The following SDC4 variants were observed in gnomAD, a reference collection of about 807,000 sequenced individuals.
SDC4 encodes syndecan 4, also known as syndecan-4.
A neutral mutation model predicts 20.5 loss-of-function variants in SDC4; 17 were observed. The ratio of observed to expected loss-of-function variants is 0.83; its 90% CI spans 0.57 to 1.25. SDC4 has a LOEUF of 1.25. SDC4 is among the 50% of genes most tolerant of loss of function. SDC4 has a pLI of 0.00. For synonymous variants in SDC4, 107 were observed against 105.3 expected (o/e 1.02, Z -0.10); for missense variants, 241 against 252.3 (o/e 0.96, Z 0.30).
At chr20:45,345,915 T>C (rs889561864) in intron 1 of SDC4, 5 of 152,112 alleles carry the variant, frequency 3.3e-5, no homozygotes, top group African/African-American at 1.2e-4. Flanking sequence ...GTAAGGGGAA[T>C]GATGGAACAG....
intron 1 of SDC4, among the ~76,000 whole-genome samples, chr20:45,348,096 G>A (rs545394535): frequency 9.2e-5 from 14 of 152,364 alleles, no homozygotes; most frequent in African/African-American, 3.1e-4. Context: ...CTGAGGCCCG[G>A]GGAGGCGGGA....
At position 45,335,370 on chromosome 20, in the gene SDC4, A is replaced by C. The variant is rs144418337; in HGVS notation, c.199+412T>G. On this transcript the variant is annotated intron_variant, in intron 2 of 4. Coordinates refer to ENST00000372733, the MANE Select transcript of SDC4 (RefSeq NM_002999.4). ...TAATTTTTGTGTTTTTGTAGAGACA[A>C]GTTCTCACCATGTGGCCCAGGCTGG... Among the ~76,000 whole-genome samples the C allele has an allele frequency of 4.1e-3, 622 of 152,058 alleles. 19 individuals carry two copies. Among genetic ancestry groups the C allele is most frequent in the Admixed American group, 0.029 (450 of 15,284 alleles).
Position 45,341,460 on chromosome 20 carries a change from G to A in SDC4, c.61-5540C>T, listed in dbSNP as rs569698485. Among the ~76,000 whole-genome samples, 5 of 152,280 alleles carry A rather than the reference G, an allele frequency of 3.3e-5. No individual in the cohort carries two copies. The East Asian group carries it at 9.6e-4, about 29-fold the overall frequency. ...TGACCACCTGTCCTAAGCAGACAGA[G>A]GTAAAGACCATTTTTATTTTCCCCG... On this transcript the variant is annotated intron_variant, in intron 1 of 4. Coordinates refer to ENST00000372733, the MANE Select transcript of SDC4 (RefSeq NM_002999.4).
chr20:45,334,631 G>A (rs1234505179), intron 2 of SDC4, among the ~76,000 whole-genome samples: 1 of 151,882 alleles, frequency 6.6e-6, no homozygotes, highest in African/African-American at 2.4e-5. Context: ...TGGGATTACA[G>A]GCACTCGACA....
intron 4 of SDC4, among the ~76,000 whole-genome samples, chr20:45,328,937 GGGTCTGCGCT>G (rs1325612055): frequency 6.6e-6 from 1 of 152,198 alleles, no homozygotes; most frequent in Non-Finnish European, 1.5e-5. Flanking sequence ...ACGAGGCCCT[GGGTCTGCGCT>G]GGGATGCCCC....
chr20:45,339,541 G>A (rs1187111746), intron 1 of SDC4, among the ~76,000 whole-genome samples: 1 of 152,242 alleles, frequency 6.6e-6, no homozygotes, highest in Non-Finnish European at 1.5e-5. Flanking sequence ...TTGAGCCCAA[G>A]AGTTTGAGAT....
At chr20:45,341,642 T>C (rs1987954153) in intron 1 of SDC4, among the ~76,000 whole-genome samples, 1 of 151,868 alleles carries the variant, frequency 6.6e-6, no homozygotes, top group Non-Finnish European at 1.5e-5. Flanking sequence ...AAACCAGGTC[T>C]GGGGGTGGGG....
chr20:45,328,445 G>A (rs1987727933), intron 4 of SDC4, among the ~76,000 whole-genome samples: 2 of 152,170 alleles, frequency 1.3e-5, no homozygotes, highest in South Asian at 4.1e-4. Context: ...TAACTGTAAG[G>A]GTTTAAGGTT....
intron 1 of SDC4, among the ~76,000 whole-genome samples, chr20:45,343,278 G>A (rs1987981126): frequency 6.6e-6 from 1 of 152,164 alleles, no homozygotes; most frequent in Non-Finnish European, 1.5e-5. Flanking sequence ...ACCATGCAGT[G>A]AAAACATACG....
intron 4 of SDC4, among the ~76,000 whole-genome samples, chr20:45,329,007 T>A: frequency 6.6e-6 from 1 of 152,170 alleles, no homozygotes; most frequent in African/African-American, 2.4e-5. Flanking sequence ...TGGTCCTCAG[T>A]CCAAATGCCA....
intron 1 of SDC4, among the ~76,000 whole-genome samples, chr20:45,339,321 G>A (rs189961398): frequency 6.6e-6 from 1 of 152,336 alleles, no homozygotes; most frequent in Non-Finnish European, 1.5e-5. Flanking sequence ...CTAAGAATGT[G>A]GTCTGTTCTC....
intron 1 of SDC4, among the ~76,000 whole-genome samples, chr20:45,346,580 G>C (rs1988035418): frequency 6.6e-6 from 1 of 152,128 alleles, no homozygotes; most frequent in South Asian, 2.1e-4. Flanking sequence ...CAACCTCCTG[G>C]GTCCTTTCCT....
At chr20:45,336,402 G>A (rs1600731385) in intron 1 of SDC4, among the ~76,000 whole-genome samples, 2 of 152,120 alleles carry the variant, frequency 1.3e-5, no homozygotes, top group East Asian at 3.9e-4. Context: ...TACAGAGTGG[G>A]ACCCCCGTCT....
At chr20:45,345,553 T>G (rs1181713236) in intron 1 of SDC4, 1 of 152,212 alleles carries the variant, frequency 6.6e-6, no homozygotes, top group South Asian at 2.1e-4. Context: ...GCCCCTAGGC[T>G]TCCGCCCCCA....
Position 45,335,779 on chromosome 20 carries a change from T to A in SDC4, c.199+3A>T. 1.2e-6 allele frequency: 2 copies of A among 1,613,536 alleles called. No homozygotes were observed. The highest frequency in any genetic ancestry group is 1.7e-6 in the Non-Finnish European group (2 of 1,179,808). ...CTACGCCTGCCCAGCACACCTTCCGTACCCAGATCTCCAGAGCCAGACAGC... is the reference window on the plus strand; with the variant it reads ...CTACGCCTGCCCAGCACACCTTCCGAACCCAGATCTCCAGAGCCAGACAGC... On this transcript the variant is annotated splice_donor_region_variant and intron_variant, in intron 2 of 4. Coordinates refer to ENST00000372733, the MANE Select transcript of SDC4 (RefSeq NM_002999.4).
chr20:45,332,635 C>T (rs1017869611), intron 3 of SDC4, among the ~76,000 whole-genome samples: 16 of 152,278 alleles, frequency 1.1e-4, no homozygotes, highest in African/African-American at 3.9e-4. Flanking sequence ...GGCTCTGTCA[C>T]CCAGGCTGGA....
In SDC4 at chr20:45,336,268, C is replaced by T. The variant is rs576229637; in HGVS notation, c.61-348G>A. Among the ~76,000 whole-genome samples, 125 of 152,270 alleles carry T rather than the reference C, an allele frequency of 8.2e-4. 1 individual carries two copies. Among genetic ancestry groups the T allele is most frequent in the African/African-American group, 2.8e-3 (116 of 41,552 alleles). ...TCTCTACTAAAAATACAAAAATCAG[C>T]TGGGCGTGGTGGCTTACGCCTGTAG... On this transcript the variant is annotated intron_variant, in intron 1 of 4. Coordinates refer to ENST00000372733, the MANE Select transcript of SDC4 (RefSeq NM_002999.4).
Position 45,348,239 on chromosome 20 carries a change from C to CA in SDC4, c.60+85_60+86insT, listed in dbSNP as rs936792195. On this transcript the variant is annotated intron_variant, in intron 1 of 4. Transcript: ENST00000372733. ...GGGGTAGCGTACCCCCGATCTGCCC[C>CA]CCCCCATCCCACGCTCCGACGAACA... 9.4e-6 allele frequency: 11 copies of CA among 1,167,350 alleles called. 1 individual carries two copies. Among genetic ancestry groups the CA allele is most frequent in the Non-Finnish European group, 1.4e-5 (11 of 804,864 alleles). The allele number at this position is 1,167,350 out of a possible 1,614,324, so 72.3% of individuals were successfully genotyped here.
chr20:45,327,584 G>C (rs898742786), intron 4 of SDC4, among the ~76,000 whole-genome samples, 169 bp from the exon 5 acceptor site: 1 of 152,250 alleles, frequency 6.6e-6, no homozygotes, highest in African/African-American at 2.4e-5. Context: ...CATGACCCCA[G>C]TTATAAGAAG....
Sources: gnomAD v4.1 joint callset for allele counts (sites outside exome capture counted in the v4.1 genomes callset) on GRCh38, gnomAD v4.1.1 for gene constraint, MANE v1.5 for transcripts, NCBI Gene and HGNC (gene_info 2026-07-23, HGNC 2026-07-21) for gene names.